Variants in FLYWCH2 observed in about 807,000 individuals in gnomAD.
The protein encoded by FLYWCH2 is FLYWCH family member 2.
In FLYWCH2, 2 loss-of-function variants were observed where a neutral mutation model predicts 6.0. That is an observed-to-expected ratio of 0.33 (90% confidence interval 0.14 to 1.04). FLYWCH2 has a LOEUF of 1.04. FLYWCH2 is among the 50% of genes least tolerant of loss of function. The pLI is 0.45. For missense variants in FLYWCH2, 192 were observed against 183.4 expected (o/e 1.05, Z -0.27); for synonymous variants, 87 against 79.3 (o/e 1.10, Z -0.52).
At chr16:2,891,451 C>T (rs1214816305) in intron 1 of FLYWCH2, among the ~76,000 whole-genome samples, 1 of 152,138 alleles carries the variant, frequency 6.6e-6, no homozygotes. Flanking sequence ...ATCGCCCAGG[C>T]TGGAGTGCGG....
Position 2,896,515 on chromosome 16 carries a change from C to T in FLYWCH2, c.66C>T (p.Pro22=), listed in dbSNP as rs746307964. The T allele has an allele frequency of 1.2e-6, 2 of 1,614,094 alleles. No homozygotes were observed. The highest frequency in any genetic ancestry group is 1.1e-5 in the South Asian group (1 of 91,090). Residue 22 remains proline, a synonymous_variant, in exon 3 of 4, where the codon CCC becomes CCT. Transcript: ENST00000396958. ...ESVKASQEPS[P]KPGTEVIPAA... ...TGAAGGCCAGCCAGGAGCCATCCCCCAAGCCAGGCACAGAAGTCATCCCGG... is the reference window on the plus strand; with the variant it reads ...TGAAGGCCAGCCAGGAGCCATCCCCTAAGCCAGGCACAGAAGTCATCCCGG...
rs113736408 is a variant in FLYWCH2 at position 2,898,823 on chromosome 16, T to C, written c.323-226T>C. 2.1e-3 allele frequency: 919 copies of C among 445,518 alleles called. 8 individuals carry two copies. Among genetic ancestry groups the C allele is most frequent in the African/African-American group, 0.017 (812 of 48,784 alleles). The allele number at this position is 445,518 out of a possible 1,614,324, so 27.6% of individuals were successfully genotyped here. On this transcript the variant is annotated intron_variant, in intron 3 of 3. Coordinates refer to ENST00000396958, the MANE Select transcript of FLYWCH2 (RefSeq NM_138439.3). The stretch of plus-strand genomic sequence containing the variant: ...GGCTTCCCAGTGCTCAGCACAAACT[T>C]GGCCTCAAGTTTCCTGGAAATGACT...
intron 3 of FLYWCH2, among the ~76,000 whole-genome samples, chr16:2,898,350 C>G (rs2069846187): frequency 6.6e-6 from 1 of 152,184 alleles, no homozygotes; most frequent in African/African-American, 2.4e-5. Flanking sequence ...CCCCCACCAT[C>G]CAGTCCTGCT....
intron 1 of FLYWCH2, among the ~76,000 whole-genome samples, chr16:2,890,957 C>T (rs999681018): frequency 1.3e-5 from 2 of 152,194 alleles, no homozygotes; most frequent in African/African-American, 4.8e-5. Flanking sequence ...AGTGTCCGCA[C>T]ATACTGTTTA....
intron 1 of FLYWCH2, among the ~76,000 whole-genome samples, chr16:2,891,591 G>A (rs2069758523): frequency 1.3e-5 from 2 of 152,072 alleles, no homozygotes; most frequent in East Asian, 1.9e-4. Flanking sequence ...ATTTTTAGTA[G>A]AGATGGGGTT....
Position 2,894,796 on chromosome 16 carries a change from C to G in FLYWCH2, c.-199-424C>G, listed in dbSNP as rs1405847264. ...AGCTCTCAGGACAAGGCCCCCAACC[C>G]TGTACTCCAGTCCTGCATCCTTAGG... On this transcript the variant is annotated intron_variant, in intron 1 of 3. Transcript: ENST00000396958. 2.0e-5 allele frequency among the ~76,000 whole-genome samples: 3 copies of G among 152,194 alleles called. No individual in the cohort carries two copies. In the East Asian group the frequency reaches 5.8e-4, roughly 29 times the overall value.
intron 3 of FLYWCH2, among the ~76,000 whole-genome samples, chr16:2,897,610 G>T (rs2069838603): frequency 6.6e-6 from 1 of 152,216 alleles, no homozygotes; most frequent in Non-Finnish European, 1.5e-5. Flanking sequence ...GGCCATGGTA[G>T]CAGAGATGGG....
intron 1 of FLYWCH2, among the ~76,000 whole-genome samples, chr16:2,894,883 G>A (rs112884626): frequency 4.6e-5 from 7 of 152,166 alleles, no homozygotes; most frequent in African/African-American, 1.4e-4. Flanking sequence ...GGACCCCTCA[G>A]GACAGACGCA....
At chr16:2,884,738 G>A (rs1368731795) in intron 1 of FLYWCH2, among the ~76,000 whole-genome samples, 1 of 151,618 alleles carries the variant, frequency 6.6e-6, no homozygotes, top group Non-Finnish European at 1.5e-5. Flanking sequence ...GCCGGGTGTG[G>A]TGGTGCACGC....
chr16:2,897,380 C>G (rs1295175796), intron 3 of FLYWCH2, among the ~76,000 whole-genome samples: 1 of 152,204 alleles, frequency 6.6e-6, no homozygotes, highest in South Asian at 2.1e-4. Context: ...TCAGGGCTCA[C>G]AGGTCCCATG....
chr16:2,883,502 T>G, intron 1 of FLYWCH2, 136 bp downstream of exon 1: 1 of 152,690 alleles, frequency 6.5e-6, no homozygotes, highest in Non-Finnish European at 1.5e-5. Context: ...GGCCGCCTCC[T>G]GTGGGGTCTC....
intron 1 of FLYWCH2, among the ~76,000 whole-genome samples, chr16:2,890,492 G>T (rs886404899): frequency 6.6e-6 from 1 of 151,134 alleles, no homozygotes; most frequent in African/African-American, 2.4e-5. Flanking sequence ...TTGGCTCACC[G>T]CAATCTCCAC....
chr16:2,889,127 T>G (rs1010674210), intron 1 of FLYWCH2, among the ~76,000 whole-genome samples: 12 of 101,970 alleles, frequency 1.2e-4, no homozygotes, highest in African/African-American at 3.4e-4. Context: ...AAATTTGGTG[T>G]TTTTTTGTTG....
intron 1 of FLYWCH2, among the ~76,000 whole-genome samples, chr16:2,889,124 G>A (rs957964881): frequency 2.1e-4 from 21 of 101,688 alleles, no homozygotes; most frequent in Non-Finnish European, 8.6e-5. Context: ...TCAAAATTTG[G>A]TGTTTTTTTG....
intron 1 of FLYWCH2, among the ~76,000 whole-genome samples, chr16:2,886,056 T>C (rs912255179): frequency 3.3e-5 from 5 of 152,206 alleles, no homozygotes; most frequent in Non-Finnish European, 7.3e-5. Context: ...TGATATCTCA[T>C]TGTGGTTTTG....
intron 1 of FLYWCH2, among the ~76,000 whole-genome samples, chr16:2,891,848 C>G (rs1482881993): frequency 6.6e-6 from 1 of 152,052 alleles, no homozygotes; most frequent in Non-Finnish European, 1.5e-5. Flanking sequence ...TCTCAGGTTG[C>G]TATGACCCCT....
intron 1 of FLYWCH2, among the ~76,000 whole-genome samples, chr16:2,891,209 G>C (rs1321338509): frequency 2.6e-5 from 4 of 152,144 alleles, no homozygotes; most frequent in African/African-American, 9.7e-5. Flanking sequence ...GGACAGAGTG[G>C]AGTGATGGGG....
chr16:2,883,608 C>G (rs1178979386), intron 1 of FLYWCH2, among the ~76,000 whole-genome samples: 2 of 152,338 alleles, frequency 1.3e-5, no homozygotes, highest in Admixed American at 6.5e-5. Context: ...GGTCCGCACT[C>G]GCCCGCCGGT....
At chr16:2,895,058 G>A (rs1304322488) in intron 1 of FLYWCH2, among the ~76,000 whole-genome samples, 162 bp from the exon 2 acceptor site, 1 of 151,988 alleles carries the variant, frequency 6.6e-6, no homozygotes, top group Non-Finnish European at 1.5e-5. Context: ...TGTAAGCTGG[G>A]AAAGACCCCA....
Sources: gnomAD v4.1 joint callset for allele counts (sites outside exome capture counted in the v4.1 genomes callset) on GRCh38, gnomAD v4.1.1 for gene constraint, MANE v1.5 for transcripts, NCBI Gene and HGNC (gene_info 2026-07-23, HGNC 2026-07-21) for gene names.